The following LRRC7 variants were observed in gnomAD, a reference collection of about 807,000 sequenced individuals.
The protein encoded by LRRC7 is leucine rich repeat containing 7, also known as leucine-rich repeat-containing protein 7.
In LRRC7, 23 loss-of-function variants were observed where a neutral mutation model predicts 175.7. That is an observed-to-expected ratio of 0.13 (90% CI 0.09 to 0.19). The LOEUF (loss-of-function observed/expected upper bound fraction) is 0.19. Ranked by LOEUF, LRRC7 falls within the 10% of genes least tolerant of loss-of-function variation. LRRC7 has a pLI of 1.00. For missense variants in LRRC7, 1,354 were observed against 1,904.7 expected, an observed-to-expected ratio of 0.71 and a Z score of 5.38; for synonymous variants, 685 against 680.9, an observed-to-expected ratio of 1.01 and a Z score of -0.09.
chr1:69,648,979 T>C (rs1655394442), intron 1 of LRRC7, among the ~76,000 whole-genome samples: 1 of 152,272 alleles, frequency 6.6e-6, no homozygotes, highest in Non-Finnish European at 1.5e-5. Flanking sequence ...TGAGAAAATA[T>C]TCTTTTGAGA....
At chr1:69,955,340 A>C (rs1387826178) in intron 8 of LRRC7, among the ~76,000 whole-genome samples, 1 of 152,038 alleles carries the variant, frequency 6.6e-6, no homozygotes. Flanking sequence ...CTAACATACA[A>C]AGACTTCCTG....
rs1033720369 is a variant in LRRC7 at position 70,129,534 on chromosome 1, G to C, written c.*7647G>C. Among the ~76,000 whole-genome samples the C allele has an allele frequency of 2.6e-5, 4 of 152,026 alleles. No homozygotes were observed. Among genetic ancestry groups the C allele is most frequent in the African/African-American group, 4.8e-5 (2 of 41,382 alleles). On this transcript the variant is annotated 3_prime_UTR_variant, in exon 27 of 27. Coordinates refer to ENST00000651989, the MANE Select transcript of LRRC7 (RefSeq NM_001370785.2). Reference sequence around the variant, plus strand: ...TGGAATTCAACACTTTAAAAAGTGTGGGGGGGTTGCTTGAAAAGAGTCTTC... The same window carrying C: ...TGGAATTCAACACTTTAAAAAGTGTCGGGGGGTTGCTTGAAAAGAGTCTTC...
At chr1:69,984,131 G>C (rs2101894494) in intron 9 of LRRC7, among the ~76,000 whole-genome samples, 1 of 152,058 alleles carries the variant, frequency 6.6e-6, no homozygotes, top group African/African-American at 2.4e-5. Context: ...TCACCATGTT[G>C]GTCAGGCTGG....
At chr1:70,116,158 C>A (rs1017097035) in intron 26 of LRRC7, among the ~76,000 whole-genome samples, 6 of 152,174 alleles carry the variant, frequency 3.9e-5, no homozygotes, top group Non-Finnish European at 8.8e-5. Flanking sequence ...TCAAATAATT[C>A]AGTCTTCAGT....
intron 2 of LRRC7, among the ~76,000 whole-genome samples, chr1:69,729,725 T>G (rs1667358607): frequency 6.6e-6 from 1 of 152,114 alleles, no homozygotes; most frequent in South Asian, 2.1e-4. Flanking sequence ...AAGCTATAAG[T>G]GGATCTACTG....
At chr1:70,032,455 A>C (rs998655012) in intron 18 of LRRC7, among the ~76,000 whole-genome samples, 1 of 152,116 alleles carries the variant, frequency 6.6e-6, no homozygotes, top group Non-Finnish European at 1.5e-5. Flanking sequence ...AGCTCCAAGC[A>C]CAGTTATTGA....
intron 23 of LRRC7, among the ~76,000 whole-genome samples, chr1:70,070,036 C>A (rs1236952328): frequency 6.6e-6 from 1 of 151,930 alleles, no homozygotes; most frequent in African/African-American, 2.4e-5. Flanking sequence ...CTCTGTCTTC[C>A]AGGCTAGAGT....
intron 2 of LRRC7, among the ~76,000 whole-genome samples, chr1:69,705,391 C>G (rs1184500622): frequency 6.6e-6 from 1 of 152,108 alleles, no homozygotes; most frequent in African/African-American, 2.4e-5. Flanking sequence ...GTTGCATTGT[C>G]TAGCTAACAT....
chr1:69,850,259 A>T (rs557136218), intron 7 of LRRC7, among the ~76,000 whole-genome samples: 1 of 152,222 alleles, frequency 6.6e-6, no homozygotes, highest in African/African-American at 2.4e-5. Context: ...CAAGCTTGAG[A>T]TGTCTAAGAA....
chr1:69,890,350 C>G lies in LRRC7; in HGVS notation c.648-41157C>G, dbSNP rs554794500. 7.9e-5 allele frequency among the ~76,000 whole-genome samples: 12 copies of G among 152,282 alleles called. No homozygotes were observed. The South Asian group carries it at 2.5e-3, about 32-fold the overall frequency. On this transcript the variant is annotated intron_variant, in intron 7 of 26. Coordinates refer to ENST00000651989, the MANE Select transcript of LRRC7 (RefSeq NM_001370785.2). ...GCTTTTGGGTGACTAGGTGCATTGTCAATGAACAGTATATTTTGAAAGGAA... is the reference window on the plus strand; with the variant it reads ...GCTTTTGGGTGACTAGGTGCATTGTGAATGAACAGTATATTTTGAAAGGAA...
chr1:69,921,675 C>A (rs974264882), intron 7 of LRRC7, among the ~76,000 whole-genome samples: 3 of 152,146 alleles, frequency 2.0e-5, no homozygotes, highest in African/African-American at 7.2e-5. Flanking sequence ...TGTTATCTGG[C>A]CTTATGGCTA....
intron 1 of LRRC7, among the ~76,000 whole-genome samples, chr1:69,661,735 T>C (rs1298514782): frequency 6.6e-6 from 1 of 152,156 alleles, no homozygotes; most frequent in African/African-American, 2.4e-5. Context: ...GCACTTGGTC[T>C]TTACTTCCCC....
chr1:69,940,267 A>G (rs1648576239), intron 8 of LRRC7, among the ~76,000 whole-genome samples: 2 of 152,018 alleles, frequency 1.3e-5, no homozygotes, highest in African/African-American at 4.8e-5. Flanking sequence ...AAGTAAAGGA[A>G]CTCCTTTTCT....
intron 4 of LRRC7, among the ~76,000 whole-genome samples, chr1:69,820,239 G>A (rs1056268574): frequency 3.3e-5 from 5 of 151,746 alleles, no homozygotes; most frequent in African/African-American, 1.2e-4. Flanking sequence ...TATAACATAG[G>A]CTATGTTATA....
chr1:69,645,063 A>T (rs1303014149), intron 1 of LRRC7, among the ~76,000 whole-genome samples: 1 of 152,034 alleles, frequency 6.6e-6, no homozygotes, highest in Non-Finnish European at 1.5e-5. Context: ...ACAAAGCAAG[A>T]ATATTCATTG....
At chr1:69,772,154 G>GAAAAT (rs987264801) in intron 3 of LRRC7, among the ~76,000 whole-genome samples, 1 of 151,978 alleles carries the variant, frequency 6.6e-6, no homozygotes, top group Non-Finnish European at 1.5e-5. Flanking sequence ...GAAAGAAAAA[G>GAAAAT]AAAATAAAAT....
At chr1:69,963,881 T>C (rs1651387925) in intron 8 of LRRC7, among the ~76,000 whole-genome samples, 1 of 152,200 alleles carries the variant, frequency 6.6e-6, no homozygotes, top group Admixed American at 6.5e-5. Context: ...GTCTATTTTG[T>C]TTGCTTTTTC....
chr1:70,055,385 T>G (rs72945229), intron 23 of LRRC7, among the ~76,000 whole-genome samples: 3,861 of 152,254 alleles, frequency 0.025, 191 homozygotes, highest in African/African-American at 0.09. Flanking sequence ...TTTCAGAGAA[T>G]GAATTAGTGA....
intron 8 of LRRC7, among the ~76,000 whole-genome samples, chr1:69,975,030 TA>T (rs1323184959): frequency 6.6e-6 from 1 of 152,218 alleles, no homozygotes; most frequent in Non-Finnish European, 1.5e-5. Context: ...ATTATCACCT[TA>T]TTATGTTCTT....
Sources: gnomAD v4.1 joint callset for allele counts (sites outside exome capture counted in the v4.1 genomes callset) on GRCh38, gnomAD v4.1.1 for gene constraint, MANE v1.5 for transcripts, NCBI Gene and HGNC (gene_info 2026-07-23, HGNC 2026-07-21) for gene names.